LHFPL3: variants seen among roughly 807,000 people sequenced by gnomAD.
LHFPL3 encodes LHFPL tetraspan subfamily member 3 protein.
In LHFPL3, 5 loss-of-function variants were observed where a neutral mutation model predicts 19.3. That is an observed-to-expected ratio of 0.26 (90% CI 0.14 to 0.54). The LOEUF (loss-of-function observed/expected upper bound fraction) is 0.54. Ranked by LOEUF, LHFPL3 falls within the 20% of genes least tolerant of loss-of-function variation. The probability of loss-of-function intolerance (pLI) is 0.94; values close to 1 mark genes in which losing one functional copy is unlikely to be tolerated. For missense variants in LHFPL3, 249 were observed against 307.4 expected, an observed-to-expected ratio of 0.81 and a Z score of 1.42; for synonymous variants, 133 against 126.2, an observed-to-expected ratio of 1.05 and a Z score of -0.36.
chr7:104,467,256 A>G (rs1321975862), intron 1 of LHFPL3, among the ~76,000 whole-genome samples: 1 of 152,190 alleles, frequency 6.6e-6, no homozygotes, highest in Non-Finnish European at 1.5e-5. Context: ...TTGGTGCAAC[A>G]GTCAAACAAG....
rs144524257 is a variant in LHFPL3 at position 104,871,270 on chromosome 7, G to A, written c.683-34917G>A. On this transcript the variant is annotated intron_variant, in intron 2 of 2. Transcript: ENST00000424859. ...AATGTACTGAACACTGTATGCAATT[G>A]TAACACAATGATAAGTATTTGTGTA... Among the ~76,000 whole-genome samples the A allele has an allele frequency of 3.0e-3, 464 of 152,280 alleles. 4 individuals are homozygous for A. Among genetic ancestry groups the A allele is most frequent in the Non-Finnish European group, 4.8e-3 (329 of 68,036 alleles).
intron 2 of LHFPL3, among the ~76,000 whole-genome samples, chr7:104,885,915 G>C (rs555750059): frequency 6.6e-6 from 1 of 152,064 alleles, no homozygotes; most frequent in African/African-American, 2.4e-5. Flanking sequence ...TGGCTCCCCT[G>C]CTATTTCTCC....
At chr7:104,351,038 T>TAAA (rs35688007) in intron 1 of LHFPL3, among the ~76,000 whole-genome samples, 85 of 116,240 alleles carry the variant, frequency 7.3e-4, no homozygotes, top group Non-Finnish European at 1.1e-3. Context: ...AGACTCCCTC[T>TAAA]AAAAAAAAAA....
chr7:104,516,958 T>C (rs1003612946), intron 1 of LHFPL3, among the ~76,000 whole-genome samples: 1 of 152,182 alleles, frequency 6.6e-6, no homozygotes, highest in African/African-American at 2.4e-5. Context: ...TGGAATACTA[T>C]GCAGTCATAA....
At chr7:104,346,343 T>G (rs879747575) in intron 1 of LHFPL3, among the ~76,000 whole-genome samples, 1 of 151,600 alleles carries the variant, frequency 6.6e-6, no homozygotes, top group Non-Finnish European at 1.5e-5. Flanking sequence ...AGGGTTTTTT[T>G]TTTTTTTTTT....
At chr7:104,368,877 G>A (rs766665669) in intron 1 of LHFPL3, among the ~76,000 whole-genome samples, 4 of 152,108 alleles carry the variant, frequency 2.6e-5, no homozygotes, top group Non-Finnish European at 4.4e-5. Context: ...TTTAATTTGT[G>A]GTAGGACAAA....
chr7:104,368,162 G>A (rs1444989079), intron 1 of LHFPL3, among the ~76,000 whole-genome samples: 1 of 152,180 alleles, frequency 6.6e-6, no homozygotes, highest in African/African-American at 2.4e-5. Flanking sequence ...AATTCAGGAG[G>A]GCTGAATTAG....
intron 1 of LHFPL3, among the ~76,000 whole-genome samples, chr7:104,611,453 GCA>G (rs1239533998): frequency 1.3e-5 from 2 of 152,170 alleles, no homozygotes; most frequent in Non-Finnish European, 2.9e-5. Context: ...CTTGTGTATT[GCA>G]CAGTTTTGCC....
At chr7:104,556,655 A>G (rs921681688) in intron 1 of LHFPL3, among the ~76,000 whole-genome samples, 3 of 152,042 alleles carry the variant, frequency 2.0e-5, no homozygotes, top group African/African-American at 7.2e-5. Flanking sequence ...CATTTTCCCC[A>G]TTGTCTTGGT....
chr7:104,561,782 T>G (rs200250989), intron 1 of LHFPL3, among the ~76,000 whole-genome samples: 121 of 152,106 alleles, frequency 8.0e-4, no homozygotes, highest in African/African-American at 2.5e-3. Flanking sequence ...TAGTCTCGAT[T>G]GTCTTTACAT....
intron 2 of LHFPL3, among the ~76,000 whole-genome samples, chr7:104,824,581 TA>T (rs1790774260): frequency 1.3e-5 from 1 of 76,900 alleles, no homozygotes; most frequent in Non-Finnish European, 2.3e-5. Flanking sequence ...ATTTTATATA[TA>T]ATATATATAA....
intron 2 of LHFPL3, among the ~76,000 whole-genome samples, chr7:104,880,446 C>A: frequency 6.6e-6 from 1 of 152,162 alleles, no homozygotes; most frequent in Non-Finnish European, 1.5e-5. Context: ...TCAGTTACTC[C>A]TTTATAGCAA....
chr7:104,576,872 G>A (rs1161086147), intron 1 of LHFPL3, among the ~76,000 whole-genome samples: 3 of 152,110 alleles, frequency 2.0e-5, no homozygotes, highest in Non-Finnish European at 4.4e-5. Flanking sequence ...TGCTTCCTGG[G>A]GGTCTTTATG....
chr7:104,523,329 C>T (rs763212268), intron 1 of LHFPL3, among the ~76,000 whole-genome samples: 1 of 152,172 alleles, frequency 6.6e-6, no homozygotes, highest in Non-Finnish European at 1.5e-5. Flanking sequence ...CACACATACA[C>T]TGGAGAATCT....
chr7:104,660,731 T>G (rs1009661062), intron 1 of LHFPL3, among the ~76,000 whole-genome samples: 7 of 152,232 alleles, frequency 4.6e-5, no homozygotes, highest in Non-Finnish European at 2.9e-5. Context: ...CACATCTGCA[T>G]AGATTTTTTC....
At chr7:104,627,565 C>A (rs954461942) in intron 1 of LHFPL3, among the ~76,000 whole-genome samples, 2 of 152,126 alleles carry the variant, frequency 1.3e-5, no homozygotes, top group African/African-American at 4.8e-5. Context: ...TTTGTGTCAT[C>A]CCAACAGCCC....
chr7:104,482,258 C>A (rs1210378458), intron 1 of LHFPL3, among the ~76,000 whole-genome samples: 2 of 152,186 alleles, frequency 1.3e-5, no homozygotes, highest in African/African-American at 4.8e-5. Context: ...CAATTCCTTA[C>A]AAGTTTTTCT....
chr7:104,725,212 T>A (rs1207567075), intron 1 of LHFPL3, among the ~76,000 whole-genome samples: 3 of 152,188 alleles, frequency 2.0e-5, no homozygotes, highest in African/African-American at 7.2e-5. Context: ...AACTTAGAGT[T>A]TCCAGAAATG....
intron 2 of LHFPL3, among the ~76,000 whole-genome samples, chr7:104,852,091 A>AC (rs1791424152): frequency 1.3e-5 from 2 of 151,396 alleles, no homozygotes; most frequent in African/African-American, 4.9e-5. Flanking sequence ...GAAAGCAGAT[A>AC]CCCCCCAACC....
Sources: gnomAD v4.1 joint callset for allele counts (sites outside exome capture counted in the v4.1 genomes callset) on GRCh38, gnomAD v4.1.1 for gene constraint, MANE v1.5 for transcripts, NCBI Gene and HGNC (gene_info 2026-07-23, HGNC 2026-07-21) for gene names.